CAPS2: variants seen among roughly 807,000 people sequenced by gnomAD.
The protein encoded by CAPS2 is calcyphosine 2.
Under a neutral mutation model 86.5 loss-of-function variants are expected in CAPS2, and 98 were observed. The observed-to-expected ratio is 1.13, with a 90% CI of 0.96 to 1.34. The LOEUF is 1.34. Ranked by LOEUF, CAPS2 falls within the 40% of genes most tolerant of loss-of-function variation. The pLI, the probability that CAPS2 is intolerant of heterozygous loss-of-function variation, is 0.00. For synonymous variants in CAPS2, 210 were observed against 225.1 expected, an observed-to-expected ratio of 0.93 and a Z score of 0.60; for missense variants, 729 against 686.8, an observed-to-expected ratio of 1.06 and a Z score of -0.69.
At chr12:75,309,078 C>T (rs982058382) in intron 7 of CAPS2, among the ~76,000 whole-genome samples, 5 of 152,030 alleles carry the variant, frequency 3.3e-5, no homozygotes, top group African/African-American at 2.4e-5. Context: ...CTGCATATCA[C>T]GCATGTACTT....
chr12:75,336,927 GA>G (rs200338423), intron 1 of CAPS2, among the ~76,000 whole-genome samples: 1 of 150,934 alleles, frequency 6.6e-6, no homozygotes. Flanking sequence ...TATATCTTCT[GA>G]AAAAAAAGTC....
intron 13 of CAPS2, 29 bp from the exon 14 acceptor site, chr12:75,289,804 A>C (rs1232299491): frequency 6.4e-7 from 1 of 1,555,230 alleles, no homozygotes. Context: ...GATGAAAACA[A>C]ATTGTTCCTA....
At chr12:75,282,504 A>C (rs553133950) in intron 15 of CAPS2, among the ~76,000 whole-genome samples, 157 bp from the exon 16 acceptor site, 2 of 152,234 alleles carry the variant, frequency 1.3e-5, no homozygotes, top group East Asian at 1.9e-4. Context: ...CTCCTGCCTC[A>C]GCCTACCGAG....
chr12:75,323,563 G>C (rs769891548), intron 2 of CAPS2, among the ~76,000 whole-genome samples: 1 of 152,116 alleles, frequency 6.6e-6, no homozygotes, highest in Non-Finnish European at 1.5e-5. Flanking sequence ...GACCAACATG[G>C]AGAAACTCTG....
chr12:75,340,209 G>C (rs1181056231), intron 1 of CAPS2, among the ~76,000 whole-genome samples: 1 of 150,640 alleles, frequency 6.6e-6, no homozygotes, highest in African/African-American at 2.4e-5. Context: ...TTGGTTGATG[G>C]GCATTTAGAC....
At chr12:75,390,277 A>G (rs1254557465) in intron 1 of CAPS2, 2 of 456,160 alleles carry the variant, frequency 4.4e-6, no homozygotes, top group African/African-American at 2.0e-5. Context: ...ATATTAGCCA[A>G]TTTTGTCTGG....
intron 11 of CAPS2, among the ~76,000 whole-genome samples, chr12:75,296,442 C>A (rs1423903198): frequency 6.6e-6 from 1 of 152,080 alleles, no homozygotes; most frequent in African/African-American, 2.4e-5. Flanking sequence ...CAGGTGCCCG[C>A]CACCATGCCC....
chr12:75,357,549 G>A (rs2043232938), intron 1 of CAPS2, among the ~76,000 whole-genome samples: 1 of 151,876 alleles, frequency 6.6e-6, no homozygotes, highest in Admixed American at 6.6e-5. Flanking sequence ...CAAAACAGAG[G>A]AATATATATT....
At chr12:75,368,779 T>C (rs1643843035) in intron 1 of CAPS2, among the ~76,000 whole-genome samples, 1 of 152,016 alleles carries the variant, frequency 6.6e-6, no homozygotes, top group South Asian at 2.1e-4. Flanking sequence ...TGATTAATTT[T>C]TTAATGTTTA....
At chr12:75,361,101 C>T (rs1279987433) in intron 1 of CAPS2, 1 of 152,058 alleles carries the variant, frequency 6.6e-6, no homozygotes, top group African/African-American at 2.4e-5. Context: ...GGGATGGTTC[C>T]CCTACCCAAA....
chr12:75,375,719 G>A lies in CAPS2; in HGVS notation c.-395+15119C>T, dbSNP rs139031865. Among the ~76,000 whole-genome samples, 608 of 152,286 alleles carry A rather than the reference G, an allele frequency of 4.0e-3. 4 individuals carry two copies. Among genetic ancestry groups the A allele is most frequent in the African/African-American group, 0.014 (576 of 41,554 alleles). Reference sequence around the variant, plus strand: ...TATCAATTTTACTTCTAGAAACACCGTAATTAATTAGCCAGTGCTAGAGGT... The same window carrying A: ...TATCAATTTTACTTCTAGAAACACCATAATTAATTAGCCAGTGCTAGAGGT... On this transcript the variant is annotated intron_variant, in intron 1 of 5. Coordinates refer to the CAPS2 transcript ENST00000551829.
chr12:75,278,313 C>A (rs1378022626), exon 17 of CAPS2: 1 of 983,862 alleles, frequency 1.0e-6, no homozygotes, highest in Non-Finnish European at 1.2e-6. Flanking sequence ...AAACCTCCAT[C>A]ATTTGAAATA....
intron 1 of CAPS2, chr12:75,366,770 T>A: frequency 1.5e-6 from 1 of 665,494 alleles, no homozygotes; most frequent in Non-Finnish European, 2.7e-6. Context: ...CACGCTCTTA[T>A]GTGTCTCAGT....
chr12:75,277,046 T>C (rs1331852503), downstream of CAPS2: 4 of 984,610 alleles, frequency 4.1e-6, no homozygotes, highest in East Asian at 1.1e-4. Context: ...AAAAGCAGAA[T>C]GATTTACTGT....
intron 16 of CAPS2, 152 bp from the exon 17 acceptor site, chr12:75,279,217 G>A (rs921549747): frequency 5.8e-5 from 42 of 718,412 alleles, no homozygotes; most frequent in Non-Finnish European, 9.0e-5. Flanking sequence ...CACATGAACT[G>A]GAATTATTTC....
intron 1 of CAPS2, among the ~76,000 whole-genome samples, chr12:75,362,207 A>T (rs1057391404): frequency 6.6e-6 from 1 of 152,162 alleles, no homozygotes; most frequent in African/African-American, 2.4e-5. Flanking sequence ...CTCAATTTTA[A>T]TTTTTTTTAA....
At chr12:75,332,880 G>T (rs539756099), upstream of CAPS2, among the ~76,000 whole-genome samples, 1 of 152,274 alleles carries the variant, frequency 6.6e-6, no homozygotes, top group Non-Finnish European at 1.5e-5. Flanking sequence ...AAATGGATAG[G>T]CACTGACAGA....
At chr12:75,387,814 T>C (rs2045369156) in intron 1 of CAPS2, among the ~76,000 whole-genome samples, 1 of 152,214 alleles carries the variant, frequency 6.6e-6, no homozygotes, top group Admixed American at 6.5e-5. Flanking sequence ...CACCTTTCAA[T>C]ACTGTTACAT....
chr12:75,321,373 A>T, intron 5 of CAPS2, 27 bp downstream of exon 5: 7 of 1,413,540 alleles, frequency 5.0e-6, no homozygotes, highest in Non-Finnish European at 6.7e-6. Context: ...AAATGTCATT[A>T]GAATTTTTTA....
Sources: allele counts gnomAD v4.1 joint callset (sites outside exome capture counted in the v4.1 genomes callset), GRCh38; gene constraint gnomAD v4.1.1; transcripts MANE v1.5; gene names NCBI Gene and HGNC (gene_info 2026-07-23, HGNC 2026-07-21).